The following RAB20 variants were observed in gnomAD, a reference collection of about 807,000 sequenced individuals.
The protein encoded by RAB20 is ras-related protein Rab-20.
Under a neutral mutation model 3.7 loss-of-function variants are expected in RAB20, and 2 were observed. That is an observed-to-expected ratio of 0.54 (90% CI 0.22 to 1.69). RAB20 has a LOEUF of 1.69. Among genes scored for constraint, RAB20 ranks in the 40% most tolerant of loss-of-function variants. The pLI is 0.19. For missense variants in RAB20, 276 were observed against 311.9 expected (o/e 0.88, Z 0.87); for synonymous variants, 126 against 130.8 (o/e 0.96, Z 0.25).
chr13:110,525,745 C>T (rs385037), intron 1 of RAB20, among the ~76,000 whole-genome samples: 92,654 of 152,146 alleles, frequency 0.61, 28,373 homozygotes, highest in East Asian at 0.69. Context: ...CCAGCCTTGG[C>T]GTGCTTTTCA....
intron 1 of RAB20, among the ~76,000 whole-genome samples, chr13:110,527,432 T>C (rs1034823841): frequency 7.9e-5 from 12 of 151,988 alleles, no homozygotes; most frequent in African/African-American, 2.7e-4. Context: ...AGCTGGGAGC[T>C]GAGCCCAGAC....
At chr13:110,546,155 G>A (rs373242447) in intron 1 of RAB20, among the ~76,000 whole-genome samples, 4 of 152,208 alleles carry the variant, frequency 2.6e-5, no homozygotes, top group African/African-American at 9.6e-5. Flanking sequence ...GGGAACCTAT[G>A]ATGTGCCAGG....
chr13:110,540,017 G>A (rs181641740), intron 1 of RAB20, among the ~76,000 whole-genome samples: 6 of 152,308 alleles, frequency 3.9e-5, no homozygotes, highest in Admixed American at 2.6e-4. Flanking sequence ...GGCCCACTAC[G>A]TGGCTTCTGG....
At chr13:110,526,299 AGT>A (rs1566582599) in intron 1 of RAB20, among the ~76,000 whole-genome samples, 2 of 152,192 alleles carry the variant, frequency 1.3e-5, no homozygotes, top group Non-Finnish European at 2.9e-5. Flanking sequence ...GCACCCAGGG[AGT>A]GTCCAGGCCC....
intron 1 of RAB20, among the ~76,000 whole-genome samples, chr13:110,528,046 T>C (rs1343596236): frequency 1.3e-5 from 2 of 151,488 alleles, no homozygotes; most frequent in African/African-American, 2.4e-5. Context: ...GAGGCTGCAA[T>C]AAGCTATGAT....
chr13:110,525,176 T>C (rs1884405947), intron 1 of RAB20, among the ~76,000 whole-genome samples: 1 of 152,136 alleles, frequency 6.6e-6, no homozygotes, highest in South Asian at 2.1e-4. Flanking sequence ...GCACACACAC[T>C]TTCCATGAGG....
intron 1 of RAB20, among the ~76,000 whole-genome samples, chr13:110,547,298 C>T (rs893979453): frequency 3.3e-5 from 5 of 152,206 alleles, no homozygotes; most frequent in Admixed American, 1.3e-4. Flanking sequence ...AGACACGAGG[C>T]GCAACAAGCT....
chr13:110,545,958 T>G lies in RAB20; in HGVS notation c.172+15390A>C, dbSNP rs564976821. On this transcript the variant is annotated intron_variant, in intron 1 of 1. Transcript: ENST00000267328. ...GACTCCACAGAAACACCGTGGATCC[T>G]GTAGTCTTCACCCAGAAGCCAGGAC... Among the ~76,000 whole-genome samples, 4 of 152,300 alleles carry G rather than the reference T, an allele frequency of 2.6e-5. No individual in the cohort carries two copies. The East Asian group carries it at 7.7e-4, about 29-fold the overall frequency.
intron 1 of RAB20, among the ~76,000 whole-genome samples, chr13:110,549,106 T>C (rs1884904453): frequency 6.6e-6 from 1 of 152,244 alleles, no homozygotes; most frequent in Admixed American, 6.5e-5. Flanking sequence ...TTAAGACCAG[T>C]GTGCGGAGAG....
chr13:110,545,929 A>G (rs1285898271), intron 1 of RAB20, among the ~76,000 whole-genome samples: 1 of 152,140 alleles, frequency 6.6e-6, no homozygotes, highest in Non-Finnish European at 1.5e-5. Flanking sequence ...CTGTTTCATG[A>G]TCTGACTCCA....
rs7993489 is a variant in RAB20, at chr13:110,547,351, G to A, written c.172+13997C>T. ...GCGCTTAATTCTACACGGGGAAAGCGTTAACAGGAATCTTAACACATTGAT... is the reference window on the plus strand; with the variant it reads ...GCGCTTAATTCTACACGGGGAAAGCATTAACAGGAATCTTAACACATTGAT... On this transcript the variant is annotated intron_variant, in intron 1 of 1. Coordinates refer to ENST00000267328, the MANE Select transcript of RAB20 (RefSeq NM_017817.3). 4.3e-3 allele frequency among the ~76,000 whole-genome samples: 659 copies of A among 152,356 alleles called. 6 individuals carry two copies. Among genetic ancestry groups the A allele is most frequent in the African/African-American group, 0.015 (628 of 41,590 alleles).
Position 110,561,663 on chromosome 13 carries a change from G to C in RAB20, c.-144C>G. 2.2e-6 allele frequency: 3 copies of C among 1,352,558 alleles called. No individual in the cohort carries two copies. The highest frequency in any genetic ancestry group is 2.9e-6 in the Non-Finnish European group (3 of 1,039,400). 83.8% of individuals were successfully genotyped at this position (1,352,558 alleles called of 1,614,324 possible). On this transcript the variant is annotated 5_prime_UTR_variant, in exon 1 of 2. Coordinates refer to ENST00000267328, the MANE Select transcript of RAB20 (RefSeq NM_017817.3). ...CGCTCCGGGACCTTCGCCTCCGGAC[G>C]CCCGGGAGCTCAAGAGAGGAAGCGC...
At chr13:110,545,575 ACT>A (rs1184900207) in intron 1 of RAB20, among the ~76,000 whole-genome samples, 1 of 152,210 alleles carries the variant, frequency 6.6e-6, no homozygotes, top group East Asian at 1.9e-4. Context: ...GTTCACACTC[ACT>A]GAGTGTTCAC....
rs367780002 is a variant in RAB20 at position 110,561,337 on chromosome 13, G to T, written c.172+11C>A. On this transcript the variant is annotated intron_variant, in intron 1 of 1. Transcript: ENST00000267328. ...CCCAGGGCGGTGTGGCTCATGCGGC[G>T]CCGGCCTCACCTGCGGTGTCCCAGA... The T allele has an allele frequency of 6.3e-7, 1 of 1,586,714 alleles. No homozygotes were observed. Among genetic ancestry groups the T allele is most frequent in the Non-Finnish European group, 8.6e-7 (1 of 1,167,868 alleles).
chr13:110,561,249 C>T, intron 1 of RAB20, 99 bp downstream of exon 1: 2 of 1,397,534 alleles, frequency 1.4e-6, no homozygotes, highest in South Asian at 1.5e-5. Flanking sequence ...TGTCCGAGGC[C>T]GGGACCCTGT....
At chr13:110,549,842 GCTT>G (rs1319174720) in intron 1 of RAB20, among the ~76,000 whole-genome samples, 2 of 151,970 alleles carry the variant, frequency 1.3e-5, no homozygotes, top group African/African-American at 4.8e-5. Flanking sequence ...TCTTGCCTTA[GCTT>G]CCTGAGTAGC....
intron 1 of RAB20, among the ~76,000 whole-genome samples, chr13:110,558,528 C>T (rs1304815294): frequency 2.7e-5 from 4 of 150,584 alleles, no homozygotes; most frequent in African/African-American, 4.9e-5. Flanking sequence ...GGATTACAGG[C>T]GCCAGCCACC....
At chr13:110,553,645 A>G (rs1161344422) in intron 1 of RAB20, among the ~76,000 whole-genome samples, 5 of 152,262 alleles carry the variant, frequency 3.3e-5, no homozygotes, top group African/African-American at 1.2e-4. Context: ...AACCAGCAGC[A>G]GGCCTGCGTC....
chr13:110,542,733 G>T (rs1024746833), intron 1 of RAB20, among the ~76,000 whole-genome samples: 2 of 152,170 alleles, frequency 1.3e-5, no homozygotes, highest in African/African-American at 4.8e-5. Context: ...GGAAGCTTAG[G>T]TTGATTCTGT....
Sources: allele counts gnomAD v4.1 joint callset (sites outside exome capture counted in the v4.1 genomes callset), GRCh38; gene constraint gnomAD v4.1.1; transcripts MANE v1.5; gene names NCBI Gene and HGNC (gene_info 2026-07-23, HGNC 2026-07-21).